Variants in NUP37 observed in about 807,000 individuals in gnomAD.
NUP37 encodes the protein nucleoporin 37.
NUP37 carries 33 observed loss-of-function variants against 45.4 expected under a neutral mutation model. That is an observed-to-expected ratio of 0.73 (90% CI 0.55 to 0.97). The LOEUF (loss-of-function observed/expected upper bound fraction) is 0.97, where lower values mean the gene tolerates loss of function less well. Ranked by LOEUF, NUP37 falls within the 50% of genes least tolerant of loss-of-function variation. The pLI is 0.00. For missense variants in NUP37, 365 were observed against 389.7 expected (o/e 0.94, Z 0.53); for synonymous variants, 127 against 130.7 (o/e 0.97, Z 0.19).
At chr12:102,117,514 C>T (rs1225438623) in intron 2 of NUP37, among the ~76,000 whole-genome samples, 1 of 152,002 alleles carries the variant, frequency 6.6e-6, no homozygotes, top group Admixed American at 6.6e-5. Context: ...AGGGTTGAAC[C>T]TTCATTGTTC....
Position 102,105,503 on chromosome 12 carries a change from C to A in NUP37, c.282-4399G>T, listed in dbSNP as rs1880114906. On this transcript the variant is annotated intron_variant, in intron 3 of 9. Coordinates refer to ENST00000552283, the MANE Select transcript of NUP37 (RefSeq NM_024057.4). ...TGATATCATGCCATTGCACTCCAGT[C>A]TGGGTGACAGGAGCGAAACCCTGTC... 1.3e-5 allele frequency among the ~76,000 whole-genome samples: 2 copies of A among 152,096 alleles called. 1 individual carries two copies. The highest frequency in any genetic ancestry group is 4.1e-4 in the South Asian group (2 of 4,826).
At chr12:102,074,970 G>T in intron 9 of NUP37, 31 bp downstream of exon 9, 1 of 1,264,530 alleles carries the variant, frequency 7.9e-7, no homozygotes, top group Non-Finnish European at 1.1e-6. Flanking sequence ...AAAAAAAAAA[G>T]CACGTATGTT....
At chr12:102,090,484 G>A (rs979673511) in intron 5 of NUP37, among the ~76,000 whole-genome samples, 10 of 152,148 alleles carry the variant, frequency 6.6e-5, no homozygotes, top group Non-Finnish European at 1.3e-4. Context: ...TGTATGGGAT[G>A]TAAACCCATG....
At chr12:102,099,588 T>C (rs1879915259) in intron 4 of NUP37, among the ~76,000 whole-genome samples, 1 of 152,180 alleles carries the variant, frequency 6.6e-6, no homozygotes, top group African/African-American at 2.4e-5. Context: ...CTCTAGGCTT[T>C]TTACATTATA....
intron 2 of NUP37, among the ~76,000 whole-genome samples, chr12:102,117,780 C>A (rs1415342311): frequency 2.0e-5 from 3 of 152,160 alleles, no homozygotes; most frequent in Non-Finnish European, 4.4e-5. Context: ...TATTCAAGGT[C>A]TCATAGCTAG....
intron 6 of NUP37, 130 bp from the exon 7 acceptor site, chr12:102,077,633 C>A: frequency 2.2e-6 from 2 of 927,438 alleles, no homozygotes; most frequent in Non-Finnish European, 3.1e-6. Context: ...CATTCCTCAT[C>A]TGAAAATCTG....
rs1209791147 is a variant in NUP37, at chr12:102,073,894, C to A, written c.*460G>T. 6.6e-6 allele frequency: 1 copy of A among 152,108 alleles called. No homozygotes were observed. Among genetic ancestry groups the A allele is most frequent in the Non-Finnish European group, 1.5e-5 (1 of 68,094 alleles). 9.4% of individuals were successfully genotyped at this position (152,108 alleles called of 1,614,324 possible). A position where few individuals can be genotyped will look rare whatever the true frequency, so the allele number is the denominator to read the frequency against. On this transcript the variant is annotated 3_prime_UTR_variant, in exon 10 of 10. Transcript: ENST00000552283. ...ATGTTGGCCAGGTTGGTCTTGAACT[C>A]CTCACCTCAAGTGATCCACTCCCTT...
At chr12:102,081,212 A>G (rs1565828635) in intron 6 of NUP37, among the ~76,000 whole-genome samples, 1 of 152,242 alleles carries the variant, frequency 6.6e-6, no homozygotes, top group Non-Finnish European at 1.5e-5. Flanking sequence ...CAGGCACTCA[A>G]AAAACATTGG....
chr12:102,115,338 T>C (rs761856279), intron 2 of NUP37, among the ~76,000 whole-genome samples: 11 of 152,216 alleles, frequency 7.2e-5, no homozygotes, highest in South Asian at 2.1e-4. Flanking sequence ...CTAGTTCTAT[T>C]TGATATGTGT....
intron 3 of NUP37, among the ~76,000 whole-genome samples, chr12:102,102,755 T>C (rs1393897845): frequency 6.6e-6 from 1 of 152,260 alleles, no homozygotes; most frequent in Non-Finnish European, 1.5e-5. Context: ...AAGTCTTTAA[T>C]CCAATTTCAG....
At chr12:102,084,018 T>C (rs1017267125) in intron 6 of NUP37, among the ~76,000 whole-genome samples, 6 of 152,146 alleles carry the variant, frequency 3.9e-5, no homozygotes, top group Non-Finnish European at 7.4e-5. Context: ...AAAGGTGTGA[T>C]GAAGATAGTT....
At chr12:102,100,983 A>C in intron 4 of NUP37, 49 bp downstream of exon 4, 2 of 1,193,818 alleles carry the variant, frequency 1.7e-6, no homozygotes, top group South Asian at 2.9e-5. Flanking sequence ...AGCAAAAAAC[A>C]AACACGTTTT....
intron 2 of NUP37, among the ~76,000 whole-genome samples, chr12:102,113,718 A>G (rs1304800151): frequency 3.3e-5 from 5 of 152,220 alleles, no homozygotes; most frequent in African/African-American, 9.6e-5. Flanking sequence ...CAGGGAAAAA[A>G]TCCAGCAGGT....
At chr12:102,082,779 G>A (rs1004715215) in intron 6 of NUP37, among the ~76,000 whole-genome samples, 10 of 152,154 alleles carry the variant, frequency 6.6e-5, no homozygotes, top group African/African-American at 2.4e-4. Context: ...GAATCAAAGA[G>A]TAAAGAGCCA....
At chr12:102,112,794 A>T (rs1880356010) in intron 2 of NUP37, among the ~76,000 whole-genome samples, 1 of 152,202 alleles carries the variant, frequency 6.6e-6, no homozygotes, top group African/African-American at 2.4e-5. Context: ...AAGACCTCAA[A>T]GTCTTTATAA....
chr12:102,100,393 C>G (rs1246161579), intron 4 of NUP37, among the ~76,000 whole-genome samples: 1 of 152,202 alleles, frequency 6.6e-6, no homozygotes, highest in Non-Finnish European at 1.5e-5. Context: ...TTGACCCAAT[C>G]TGAGGGTTAT....
Position 102,112,126 on chromosome 12 carries a change from G to T in NUP37, c.263C>A (p.Ser88Ter), listed in dbSNP as rs1399341131. 6.2e-7 allele frequency: 1 copy of T among 1,613,654 alleles called. No individual in the cohort carries two copies. Among genetic ancestry groups the T allele is most frequent in the Admixed American group, 1.7e-5 (1 of 59,990 alleles). The change falls in exon 3 of 10, where the codon TCA (serine) becomes TAA (stop). Residue 88 changes from serine (S) to a stop codon, truncating the protein, a stop_gained. Coordinates refer to ENST00000552283, the MANE Select transcript of NUP37 (RefSeq NM_024057.4). LOFTEE classifies it high-confidence loss of function. ...AACTTACTTGATTACTGGAGGCAATGAATCAAGTCTAGTCTCTGGGCTCCA... is the reference window on the plus strand; with the variant it reads ...AACTTACTTGATTACTGGAGGCAATTAATCAAGTCTAGTCTCTGGGCTCCA... ...IAWSPETRLD[S>*]LPPVIKFCTS...
At chr12:102,115,954 T>G (rs1390685373) in intron 2 of NUP37, 1 of 184,974 alleles carries the variant, frequency 5.4e-6, no homozygotes, top group Non-Finnish European at 1.0e-5. Context: ...GAAATGGACT[T>G]ACTTAATTGT....
At chr12:102,093,126 A>C (rs73185912) in intron 5 of NUP37, among the ~76,000 whole-genome samples, 6,339 of 152,144 alleles carry the variant, frequency 0.042, 200 homozygotes, top group African/African-American at 0.08. Context: ...AATATGTCAA[A>C]ATCAGAGTTG....
Sources: gnomAD v4.1 joint callset for allele counts (sites outside exome capture counted in the v4.1 genomes callset) on GRCh38, gnomAD v4.1.1 for gene constraint, MANE v1.5 for transcripts, NCBI Gene and HGNC (gene_info 2026-07-23, HGNC 2026-07-21) for gene names.